Variants in NWD2 observed in about 807,000 individuals in gnomAD.
NWD2 encodes NACHT and WD repeat domain-containing protein 2.
NWD2 carries 37 observed loss-of-function variants against 132.7 expected under a neutral mutation model. The ratio of observed to expected loss-of-function variants is 0.28; its 90% CI spans 0.21 to 0.37. NWD2 has a LOEUF of 0.37. NWD2 is among the 10% of genes least tolerant of loss of function. The probability of loss-of-function intolerance (pLI) is 1.00; values close to 1 mark genes in which losing one functional copy is unlikely to be tolerated. For missense variants in NWD2, 1,592 were observed against 2,122.4 expected, an observed-to-expected ratio of 0.75 and a Z score of 4.91; for synonymous variants, 705 against 803.0, an observed-to-expected ratio of 0.88 and a Z score of 2.06.
intron 2 of NWD2, among the ~76,000 whole-genome samples, chr4:37,334,500 C>T (rs113608582): frequency 3.2e-4 from 48 of 152,262 alleles, no homozygotes; most frequent in African/African-American, 1.1e-3. Flanking sequence ...CACCCCTAGC[C>T]ACCCCACACC....
At chr4:37,371,063 T>A (rs970213270) in intron 3 of NWD2, among the ~76,000 whole-genome samples, 3 of 89,616 alleles carry the variant, frequency 3.3e-5, no homozygotes, top group Non-Finnish European at 6.8e-5. Context: ...AGAAGTTCAA[T>A]TTTTTTTTCT....
Position 37,417,885 on chromosome 4 carries a change from A to G in NWD2, c.358-12687A>G, listed in dbSNP as rs114106393. Reference sequence around the variant, plus strand: ...ACTCATGCTTAACTTAATATAGATTAAGATTAATAATTTAATATACAGTAG... The same window carrying G: ...ACTCATGCTTAACTTAATATAGATTGAGATTAATAATTTAATATACAGTAG... On this transcript the variant is annotated intron_variant, in intron 3 of 6. Coordinates refer to ENST00000309447, the MANE Select transcript of NWD2 (RefSeq NM_001144990.2). Among the ~76,000 whole-genome samples the G allele has an allele frequency of 1.8e-3, 281 of 152,340 alleles. 1 individual carries two copies. The highest frequency in any genetic ancestry group is 3.7e-3 in the South Asian group (18 of 4,830).
In NWD2 at chr4:37,290,311, T is replaced by TA. The variant is rs535212416; in HGVS notation, c.152-35619dup. ...TAACTATTAACCATTAATTATATTTTAAAAAATGTATTGGGCCACTACTAT... is the reference window on the plus strand; with the variant it reads ...TAACTATTAACCATTAATTATATTTTAAAAAAATGTATTGGGCCACTACTAT... On this transcript the variant is annotated intron_variant, in intron 1 of 6. Transcript: ENST00000309447. Among the ~76,000 whole-genome samples the TA allele has an allele frequency of 7.7e-4, 117 of 152,282 alleles. 2 individuals are homozygous for TA. In the South Asian group the frequency reaches 0.023, roughly 30 times the overall value.
chr4:37,316,142 T>A (rs917272713), intron 1 of NWD2, among the ~76,000 whole-genome samples: 1 of 152,138 alleles, frequency 6.6e-6, no homozygotes, highest in Admixed American at 6.5e-5. Flanking sequence ...AAGCTTAGAA[T>A]AATTTCTTTA....
chr4:37,296,814 A>T (rs1382343430), intron 1 of NWD2, among the ~76,000 whole-genome samples: 1 of 152,086 alleles, frequency 6.6e-6, no homozygotes, highest in Non-Finnish European at 1.5e-5. Context: ...TGTAACAAAA[A>T]ACCACTTGTA....
In NWD2 at chr4:37,364,987, A is replaced by G. The variant is rs192780896; in HGVS notation, c.357+8505A>G. The stretch of plus-strand genomic sequence containing the variant: ...AAGACAAGACAAAGTGTGTAGCTGT[A>G]ACTGACAAAGACTAACATTCTATTT... On this transcript the variant is annotated intron_variant, in intron 3 of 6. Coordinates refer to ENST00000309447, the MANE Select transcript of NWD2 (RefSeq NM_001144990.2). 6.4e-4 allele frequency among the ~76,000 whole-genome samples: 97 copies of G among 152,358 alleles called. 2 individuals carry two copies. In the East Asian group the frequency reaches 0.017, roughly 26 times the overall value.
At chr4:37,364,731 T>A (rs978917032) in intron 3 of NWD2, among the ~76,000 whole-genome samples, 3 of 144,424 alleles carry the variant, frequency 2.1e-5, no homozygotes, top group African/African-American at 8.2e-5. Context: ...CACACTGCCA[T>A]CAGTGGCACA....
intron 3 of NWD2, among the ~76,000 whole-genome samples, chr4:37,428,043 G>A (rs567066722): frequency 3.9e-5 from 6 of 152,314 alleles, no homozygotes; most frequent in African/African-American, 1.4e-4. Flanking sequence ...CAACAAATGT[G>A]TTTTAATCAT....
chr4:37,409,801 A>G (rs543983110), intron 3 of NWD2, among the ~76,000 whole-genome samples: 60 of 152,228 alleles, frequency 3.9e-4, no homozygotes, highest in Non-Finnish European at 7.6e-4. Context: ...GACTAACAGC[A>G]GATCTCTCTG....
intron 3 of NWD2, among the ~76,000 whole-genome samples, chr4:37,424,650 G>A (rs1711940375): frequency 6.6e-6 from 1 of 152,154 alleles, no homozygotes; most frequent in Admixed American, 6.5e-5. Flanking sequence ...GATGAGTGGA[G>A]ATCTCTTTTC....
intron 3 of NWD2, among the ~76,000 whole-genome samples, chr4:37,413,564 G>A (rs1180781038): frequency 7.2e-5 from 11 of 152,156 alleles, no homozygotes; most frequent in South Asian, 6.2e-4. Context: ...ACAGTGTGGC[G>A]ATTCCTCAAG....
chr4:37,304,244 C>A (rs1718664155), intron 1 of NWD2, among the ~76,000 whole-genome samples: 1 of 152,138 alleles, frequency 6.6e-6, no homozygotes, highest in Admixed American at 6.5e-5. Flanking sequence ...ATGAGAACAG[C>A]AAGGGGGAAG....
intron 3 of NWD2, among the ~76,000 whole-genome samples, chr4:37,370,735 G>A (rs1720209993): frequency 6.6e-6 from 1 of 152,172 alleles, no homozygotes; most frequent in Non-Finnish European, 1.5e-5. Context: ...ATCTAGATTA[G>A]TTGTCATATC....
chr4:37,247,581 A>G (rs560642726), intron 1 of NWD2, among the ~76,000 whole-genome samples: 1 of 151,822 alleles, frequency 6.6e-6, no homozygotes, highest in African/African-American at 2.4e-5. Context: ...TAACGAAGAT[A>G]ATAGAATGAA....
chr4:37,435,874 A>T (rs1712308528), intron 5 of NWD2, among the ~76,000 whole-genome samples: 2 of 152,278 alleles, frequency 1.3e-5, no homozygotes, highest in South Asian at 4.1e-4. Context: ...TCCTTTTAAG[A>T]TCATGTCTGC....
chr4:37,425,366 T>G (rs971944777), intron 3 of NWD2, among the ~76,000 whole-genome samples: 2 of 152,196 alleles, frequency 1.3e-5, no homozygotes, highest in Non-Finnish European at 2.9e-5. Context: ...CTCCCCAGAT[T>G]ATATTTGAGT....
chr4:37,378,648 T>A (rs937089687), intron 3 of NWD2, among the ~76,000 whole-genome samples: 3 of 152,146 alleles, frequency 2.0e-5, no homozygotes, highest in Admixed American at 6.5e-5. Flanking sequence ...TTAATTTGAG[T>A]GACCTTTGAG....
chr4:37,340,994 C>A (rs182940686), intron 2 of NWD2, among the ~76,000 whole-genome samples: 1 of 152,158 alleles, frequency 6.6e-6, no homozygotes, highest in Non-Finnish European at 1.5e-5. Flanking sequence ...TACCATACAG[C>A]CTCGTTTGTT....
chr4:37,440,294 A>G (rs763092068), intron 6 of NWD2, among the ~76,000 whole-genome samples: 1 of 152,182 alleles, frequency 6.6e-6, no homozygotes, highest in Non-Finnish European at 1.5e-5. Flanking sequence ...AGCAAACAGA[A>G]ACCCTTGTCA....
Sources: allele counts gnomAD v4.1 joint callset (sites outside exome capture counted in the v4.1 genomes callset), GRCh38; gene constraint gnomAD v4.1.1; transcripts MANE v1.5; gene names NCBI Gene and HGNC (gene_info 2026-07-23, HGNC 2026-07-21).